The following DPP10 variants were observed in gnomAD, a reference collection of about 807,000 sequenced individuals.
DPP10 encodes the protein inactive dipeptidyl peptidase 10.
In DPP10, 33 loss-of-function variants were observed where a neutral mutation model predicts 120.9. The observed-to-expected ratio is 0.27, with a 90% CI of 0.21 to 0.37. The LOEUF (loss-of-function observed/expected upper bound fraction) is 0.37. Ranked by LOEUF, DPP10 falls within the 10% of genes least tolerant of loss-of-function variation. DPP10 has a pLI of 1.00. For synonymous variants in DPP10, 337 were observed against 326.1 expected (o/e 1.03, Z -0.36); for missense variants, 816 against 942.8 (o/e 0.87, Z 1.76).
At chr2:115,148,400 T>C (rs2104882161) in intron 1 of DPP10, among the ~76,000 whole-genome samples, 1 of 152,246 alleles carries the variant, frequency 6.6e-6, no homozygotes, top group South Asian at 2.1e-4. Flanking sequence ...TTACAACTTC[T>C]TGAGTTTGTC....
At chr2:115,015,981 T>C (rs1031545610) in intron 1 of DPP10, among the ~76,000 whole-genome samples, 1 of 152,078 alleles carries the variant, frequency 6.6e-6, no homozygotes, top group African/African-American at 2.4e-5. Context: ...ACTTATTTCA[T>C]AGAATTAGAA....
At chr2:115,225,529 G>GTA (rs1559271801) in intron 1 of DPP10, among the ~76,000 whole-genome samples, 9 of 151,630 alleles carry the variant, frequency 5.9e-5, no homozygotes, top group Non-Finnish European at 1.3e-4. Context: ...GTGTGTGTGT[G>GTA]TATGCATGTA....
At chr2:114,585,171 C>G (rs148937403) in intron 1 of DPP10, among the ~76,000 whole-genome samples, 2 of 152,148 alleles carry the variant, frequency 1.3e-5, no homozygotes, top group Non-Finnish European at 2.9e-5. Flanking sequence ...CCTACACTCT[C>G]CTTTGGAGAC....
intron 3 of DPP10, among the ~76,000 whole-genome samples, chr2:115,349,113 A>T (rs1465747083): frequency 6.6e-6 from 1 of 152,114 alleles, no homozygotes; most frequent in Non-Finnish European, 1.5e-5. Flanking sequence ...GTTGTTTCAC[A>T]TTTCTTTTGC....
intron 1 of DPP10, among the ~76,000 whole-genome samples, chr2:114,562,893 C>A (rs1688880797): frequency 1.3e-5 from 2 of 152,002 alleles, no homozygotes; most frequent in South Asian, 4.2e-4. Context: ...TTAGAATTTT[C>A]TTTATTTTCC....
chr2:115,415,841 T>TATATATATATATATATA (rs773341293), intron 3 of DPP10, among the ~76,000 whole-genome samples: 1 of 74,296 alleles, frequency 1.3e-5, no homozygotes, highest in African/African-American at 5.1e-5. Flanking sequence ...TGATTTGCTT[T>TATATATATATATATATA]TATATATATA....
chr2:115,175,538 T>C (rs1559187144), intron 1 of DPP10, among the ~76,000 whole-genome samples: 1 of 152,206 alleles, frequency 6.6e-6, no homozygotes, highest in Non-Finnish European at 1.5e-5. Context: ...AAAAATAAGT[T>C]TACATGAGTA....
chr2:115,089,520 A>G (rs1310171728), intron 1 of DPP10, among the ~76,000 whole-genome samples: 1 of 152,174 alleles, frequency 6.6e-6, no homozygotes, highest in Non-Finnish European at 1.5e-5. Context: ...ACACTTTGGA[A>G]AAAGATCTTT....
rs2084454653 is a variant in DPP10 at position 115,615,853 on chromosome 2, AG to A, written c.442-73833del. Among the ~76,000 whole-genome samples the A allele has an allele frequency of 3.9e-5, 6 of 152,298 alleles. No homozygotes were observed. The South Asian group carries it at 1.2e-3, about 32-fold the overall frequency. On this transcript the variant is annotated intron_variant, in intron 5 of 25. Transcript: ENST00000410059. ...ATTATATTAGAGAATTAAGTTTGAC[AG>A]TTAATTTATGAAGAACTAATATTAT...
At chr2:115,142,993 G>A (rs1178810916) in intron 1 of DPP10, among the ~76,000 whole-genome samples, 1 of 152,008 alleles carries the variant, frequency 6.6e-6, no homozygotes, top group Non-Finnish European at 1.5e-5. Flanking sequence ...TTTTTAAGGG[G>A]CAAGGCTCTT....
At chr2:114,813,641 G>A (rs898008347) in intron 1 of DPP10, among the ~76,000 whole-genome samples, 1 of 152,020 alleles carries the variant, frequency 6.6e-6, no homozygotes, top group African/African-American at 2.4e-5. Context: ...TACATGGTCT[G>A]ATAACATTTT....
intron 1 of DPP10, among the ~76,000 whole-genome samples, chr2:115,304,806 CTTA>C (rs1210381372): frequency 1.3e-5 from 2 of 151,930 alleles, no homozygotes; most frequent in Non-Finnish European, 2.9e-5. Context: ...ATTTTTCCTA[CTTA>C]TTATTCCCAG....
chr2:115,393,206 G>C (rs141304065), intron 3 of DPP10, among the ~76,000 whole-genome samples: 83 of 151,944 alleles, frequency 5.5e-4, no homozygotes, highest in African/African-American at 1.7e-3. Context: ...CCAGCTGCTC[G>C]GGAGGCTGAG....
intron 1 of DPP10, among the ~76,000 whole-genome samples, chr2:114,668,937 C>A (rs1698135289): frequency 6.6e-6 from 1 of 152,056 alleles, no homozygotes; most frequent in Non-Finnish European, 1.5e-5. Context: ...ATGTCGTGTT[C>A]TCATGTAAAT....
chr2:115,632,034 A>G (rs191716414), intron 5 of DPP10, among the ~76,000 whole-genome samples: 101 of 152,106 alleles, frequency 6.6e-4, no homozygotes, highest in Non-Finnish European at 1.2e-3. Flanking sequence ...CACTGTTACT[A>G]TGTGGGAATC....
chr2:115,418,160 G>T (rs1221975617), intron 3 of DPP10, among the ~76,000 whole-genome samples: 5 of 152,152 alleles, frequency 3.3e-5, no homozygotes. Flanking sequence ...TGTGATGTGT[G>T]CAAGAGAAAC....
chr2:115,386,690 G>A (rs1018482342), intron 3 of DPP10, among the ~76,000 whole-genome samples: 6 of 152,088 alleles, frequency 3.9e-5, no homozygotes, highest in East Asian at 1.9e-4. Context: ...GGAGGGGGGC[G>A]CTGTTACACA....
chr2:115,748,173 C>T (rs1678242143), intron 10 of DPP10, among the ~76,000 whole-genome samples: 1 of 151,242 alleles, frequency 6.6e-6, no homozygotes, highest in South Asian at 2.1e-4. Context: ...ACTGCCTAAA[C>T]TCTCAATAGC....
At chr2:114,895,889 C>T (rs1692921753) in intron 1 of DPP10, among the ~76,000 whole-genome samples, 1 of 152,232 alleles carries the variant, frequency 6.6e-6, no homozygotes, top group African/African-American at 2.4e-5. Context: ...GGTCTTCAAT[C>T]CATCTTGAAT....
Sources: gnomAD v4.1 joint callset for allele counts (sites outside exome capture counted in the v4.1 genomes callset) on GRCh38, gnomAD v4.1.1 for gene constraint, MANE v1.5 for transcripts, NCBI Gene and HGNC (gene_info 2026-07-23, HGNC 2026-07-21) for gene names.